ARHGAP28: variants seen among roughly 807,000 people sequenced by gnomAD.
The protein encoded by ARHGAP28 is Rho GTPase activating protein 28, also known as rho GTPase-activating protein 28.
Under a neutral mutation model 90.7 loss-of-function variants are expected in ARHGAP28, and 56 were observed. That is an observed-to-expected ratio of 0.62 (90% CI 0.50 to 0.77). ARHGAP28 has a LOEUF of 0.77. Among genes scored for constraint, ARHGAP28 ranks in the 30% least tolerant of loss-of-function variants. The probability of loss-of-function intolerance (pLI) is 0.00; values close to 1 mark genes in which losing one functional copy is unlikely to be tolerated. For missense variants in ARHGAP28, 869 were observed against 900.9 expected (o/e 0.96, Z 0.45); for synonymous variants, 308 against 323.3 (o/e 0.95, Z 0.51).
Position 6,909,010 on chromosome 18 carries a change from T to A in ARHGAP28, c.2081T>A (p.Ile694Asn), listed in dbSNP as rs1238670059. 1 of 1,526,594 alleles carries A rather than the reference T, an allele frequency of 6.6e-7. No homozygotes were observed. The highest frequency in any genetic ancestry group is 1.1e-5 in the South Asian group (1 of 87,604). The allele number at this position is 1,526,594 out of a possible 1,614,324, so 94.6% of individuals were successfully genotyped here. The change falls in exon 17 of 18, where the codon ATT becomes AAT. Residue 694 changes from isoleucine (I) to asparagine (N), a missense_variant. Coordinates refer to ENST00000383472, the MANE Select transcript of ARHGAP28 (RefSeq NM_001366230.1). ...ATTCAGAACCAAAGGTTATATGAAA[T>A]TGGAGGAAATATAGGTAAGCATACT... ...IKIQNQRLYEIGGNIGEHCLD... is the reference protein window; with the variant it reads ...IKIQNQRLYENGGNIGEHCLD...
intron 3 of ARHGAP28, among the ~76,000 whole-genome samples, chr18:6,841,125 C>CTCTCTCTCCTCCCTCACTG (rs2056805541): frequency 7.8e-6 from 1 of 127,550 alleles, no homozygotes; most frequent in Non-Finnish European, 1.8e-5. Context: ...TCTCTTCTCT[C>CTCTCTCTCCTCCCTCACTG]TCTCTCTCCT....
At chr18:6,813,867 C>T (rs1009554124) in intron 1 of ARHGAP28, among the ~76,000 whole-genome samples, 2 of 152,018 alleles carry the variant, frequency 1.3e-5, no homozygotes, top group African/African-American at 4.8e-5. Flanking sequence ...TCTGAAATTC[C>T]GTCTCAATCA....
chr18:6,854,740 C>T (rs2056938781), intron 4 of ARHGAP28, among the ~76,000 whole-genome samples: 1 of 149,576 alleles, frequency 6.7e-6, no homozygotes, highest in African/African-American at 2.5e-5. Flanking sequence ...CTCCCAGGCA[C>T]AGCTGCAGCT....
chr18:6,781,539 C>G (rs2056324644), intron 1 of ARHGAP28, among the ~76,000 whole-genome samples: 1 of 152,180 alleles, frequency 6.6e-6, no homozygotes, highest in Non-Finnish European at 1.5e-5. Flanking sequence ...GCGGGAGCTG[C>G]TGTCTCTGCC....
At chr18:6,868,360 G>T in intron 6 of ARHGAP28, 126 bp downstream of exon 6, 1 of 777,212 alleles carries the variant, frequency 1.3e-6, no homozygotes. Context: ...TTGTGATTCT[G>T]TCACTTCCAT....
chr18:6,842,938 A>G (rs1290492959), intron 3 of ARHGAP28, among the ~76,000 whole-genome samples: 1 of 152,206 alleles, frequency 6.6e-6, no homozygotes, highest in Admixed American at 6.5e-5. Context: ...TATGAGTCAT[A>G]TTTTTAAGTT....
chr18:6,816,801 G>T (rs1015512688), intron 1 of ARHGAP28, among the ~76,000 whole-genome samples: 1 of 152,074 alleles, frequency 6.6e-6, no homozygotes, highest in East Asian at 1.9e-4. Context: ...GAATCATTCT[G>T]TGAAGGCCAG....
chr18:6,874,096 A>C lies in ARHGAP28; in HGVS notation c.1212+321A>C, dbSNP rs146001720. Among the ~76,000 whole-genome samples the C allele has an allele frequency of 2.1e-3, 326 of 152,338 alleles. 1 individual carries two copies. Among genetic ancestry groups the C allele is most frequent in the African/African-American group, 7.7e-3 (322 of 41,574 alleles). ...ATATTTTTTCAAATGTTATTTGCGCATATGAATGTGTTTGTGTGTGCATTT... is the reference window on the plus strand; with the variant it reads ...ATATTTTTTCAAATGTTATTTGCGCCTATGAATGTGTTTGTGTGTGCATTT... On this transcript the variant is annotated intron_variant, in intron 9 of 17. Coordinates refer to ENST00000383472, the MANE Select transcript of ARHGAP28 (RefSeq NM_001366230.1).
At chr18:6,776,658 G>T (rs556331400) in intron 1 of ARHGAP28, among the ~76,000 whole-genome samples, 1 of 152,234 alleles carries the variant, frequency 6.6e-6, no homozygotes, top group Admixed American at 6.5e-5. Context: ...ACCTGATGAG[G>T]AGGAGGATTA....
chr18:6,893,572 C>T (rs750475285), intron 14 of ARHGAP28, among the ~76,000 whole-genome samples: 1 of 152,142 alleles, frequency 6.6e-6, no homozygotes, highest in Non-Finnish European at 1.5e-5. Flanking sequence ...TTGTCAGTTA[C>T]TACCCATATG....
intron 10 of ARHGAP28, among the ~76,000 whole-genome samples, chr18:6,880,924 A>G (rs1402720321): frequency 2.6e-5 from 4 of 152,194 alleles, no homozygotes; most frequent in Non-Finnish European, 5.9e-5. Context: ...CTTTCATTTT[A>G]GGGAGAACTT....
intron 1 of ARHGAP28, among the ~76,000 whole-genome samples, chr18:6,806,033 C>T (rs1162409095): frequency 2.6e-5 from 4 of 151,592 alleles, no homozygotes; most frequent in Admixed American, 6.6e-5. Context: ...TACAGGCACA[C>T]GCCACCAGGA....
intron 1 of ARHGAP28, among the ~76,000 whole-genome samples, chr18:6,759,363 C>A (rs4293459): frequency 6.6e-6 from 1 of 151,972 alleles, no homozygotes; most frequent in East Asian, 1.9e-4. Context: ...GATCAATAAA[C>A]GCCTGTGTTT....
intron 15 of ARHGAP28, 85 bp from the exon 16 acceptor site, chr18:6,896,417 C>A: frequency 6.7e-7 from 1 of 1,496,278 alleles, no homozygotes; most frequent in Non-Finnish European, 9.1e-7. Flanking sequence ...CAGAGTAGCA[C>A]TGATTTTCAT....
intron 2 of ARHGAP28, among the ~76,000 whole-genome samples, chr18:6,830,958 G>A (rs2056710662): frequency 6.6e-6 from 1 of 152,050 alleles, no homozygotes; most frequent in Admixed American, 6.5e-5. Context: ...TCTCTTGGAT[G>A]TATGTATTTT....
At chr18:6,870,936 G>T (rs988162682) in intron 7 of ARHGAP28, among the ~76,000 whole-genome samples, 1 of 152,152 alleles carries the variant, frequency 6.6e-6, no homozygotes. Context: ...GAGTAGCTGG[G>T]ACTACAGGCA....
intron 1 of ARHGAP28, among the ~76,000 whole-genome samples, chr18:6,750,088 CGTGTCTCTGGGTCTGT>C (rs2056056884): frequency 6.6e-6 from 1 of 152,140 alleles, no homozygotes; most frequent in Non-Finnish European, 1.5e-5. Flanking sequence ...CCTACTCTCA[CGTGTCTCTGGGTCTGT>C]GTGCGTGGTA....
At chr18:6,890,199 C>G in intron 13 of ARHGAP28, 114 bp downstream of exon 13, 1 of 1,218,282 alleles carries the variant, frequency 8.2e-7, no homozygotes, top group Non-Finnish European at 1.2e-6. Context: ...GAGAAGATAA[C>G]CCCAGGTGGC....
At chr18:6,829,234 ACTAT>A (rs904523185) in intron 2 of ARHGAP28, among the ~76,000 whole-genome samples, 1 of 152,132 alleles carries the variant, frequency 6.6e-6, no homozygotes, top group Non-Finnish European at 1.5e-5. Flanking sequence ...CCTTTTTCTT[ACTAT>A]CTATCTATCC....
Sources: allele counts gnomAD v4.1 joint callset (sites outside exome capture counted in the v4.1 genomes callset), GRCh38; gene constraint gnomAD v4.1.1; transcripts MANE v1.5; gene names NCBI Gene and HGNC (gene_info 2026-07-23, HGNC 2026-07-21).